The following CABYR variants were observed in gnomAD, a reference collection of about 807,000 sequenced individuals.
CABYR encodes the protein calcium-binding tyrosine phosphorylation-regulated protein.
CABYR carries 31 observed loss-of-function variants against 36.1 expected under a neutral mutation model. That is an observed-to-expected ratio of 0.86 (90% CI 0.64 to 1.16). The LOEUF (loss-of-function observed/expected upper bound fraction) is 1.16, where lower values mean the gene tolerates loss of function less well. CABYR is among the 50% of genes most tolerant of loss of function. The pLI is 0.00. For missense variants in CABYR, 429 were observed against 455.8 expected (o/e 0.94, Z 0.53); for synonymous variants, 146 against 160.7 (o/e 0.91, Z 0.69).
At chr18:24,153,232 T>C (rs936571969) in intron 3 of CABYR, among the ~76,000 whole-genome samples, 3 of 151,844 alleles carry the variant, frequency 2.0e-5, no homozygotes, top group Admixed American at 6.6e-5. Context: ...GCTGGACTTG[T>C]GCACCTGGGC....
Position 24,159,678 on chromosome 18 carries a change from G to A in CABYR, c.748G>A (p.Gly250Ser). The A allele has an allele frequency of 6.2e-7, 1 of 1,613,850 alleles. No homozygotes were observed. Among genetic ancestry groups the A allele is most frequent in the Non-Finnish European group, 8.5e-7 (1 of 1,179,996 alleles). Reference sequence around the variant, plus strand: ...AGTCACTTTTCCAACTTATGTGATGGGCGACACCAAGAAGACCAGTGCCCC... The same window carrying A: ...AGTCACTTTTCCAACTTATGTGATGAGCGACACCAAGAAGACCAGTGCCCC... Reference protein sequence around the residue: ...PKVTFPTYVMGDTKKTSAPPF... With the variant: ...PKVTFPTYVMSDTKKTSAPPF... Residue 250 changes from glycine to serine, a missense_variant, in exon 5 of 6, where the codon GGC becomes AGC. By Grantham distance (56) the Gly-to-Ser change is moderately conservative (BLOSUM62 0). Coordinates refer to ENST00000399496, the MANE Select transcript of CABYR (RefSeq NM_153769.3).
At chr18:24,142,537 T>C (rs1164472455) in intron 1 of CABYR, among the ~76,000 whole-genome samples, 1 of 152,108 alleles carries the variant, frequency 6.6e-6, no homozygotes, top group Non-Finnish European at 1.5e-5. Flanking sequence ...TTTTTGTTCT[T>C]TGTTTTTAAT....
At chr18:24,160,585 A>T (rs1316050217) in intron 5 of CABYR, among the ~76,000 whole-genome samples, 2 of 152,242 alleles carry the variant, frequency 1.3e-5, no homozygotes, top group Admixed American at 1.3e-4. Flanking sequence ...AGACAGTTTG[A>T]TCACTCACAA....
chr18:24,153,730 T>C (rs2085697683), intron 3 of CABYR, among the ~76,000 whole-genome samples: 1 of 152,172 alleles, frequency 6.6e-6, no homozygotes, highest in Non-Finnish European at 1.5e-5. Context: ...GGCTTTTTCC[T>C]GTTGTTATGA....
In CABYR at chr18:24,155,755, A is replaced by G; in HGVS notation, c.254A>G (p.Glu85Gly). 6.2e-7 allele frequency: 1 copy of G among 1,613,232 alleles called. No individual in the cohort carries two copies. The highest frequency in any genetic ancestry group is 8.5e-7 in the Non-Finnish European group (1 of 1,179,808). ...TPQKKLECLK[E>G]PGKTSVESKV... is the part of the protein sequence containing the mutation. ...CAGAAGAAATTAGAATGTTTAAAAG[A>G]ACCAGGAAAAACATCTGTAGAATCT... Residue 85 changes from glutamate to glycine, a missense_variant, in exon 4 of 6, where the codon GAA (glutamate) becomes GGA (glycine). Physicochemically the swap from Glu to Gly is moderately conservative, Grantham distance 98. Transcript: ENST00000399496.
intron 3 of CABYR, among the ~76,000 whole-genome samples, chr18:24,152,391 C>T (rs2085664276): frequency 1.3e-5 from 2 of 152,138 alleles, no homozygotes; most frequent in Admixed American, 1.3e-4. Flanking sequence ...TTGACTTGGT[C>T]ATGCAGCTAT....
At chr18:24,157,287 C>T (rs1567903353) in intron 4 of CABYR, among the ~76,000 whole-genome samples, 1 of 152,076 alleles carries the variant, frequency 6.6e-6, no homozygotes, top group Non-Finnish European at 1.5e-5. Context: ...AGCCTGTTGT[C>T]AGGTACAAAA....
chr18:24,142,146 C>G (rs1330705741), intron 1 of CABYR, among the ~76,000 whole-genome samples: 1 of 151,942 alleles, frequency 6.6e-6, no homozygotes, highest in African/African-American at 2.4e-5. Context: ...ATGGTGAAAC[C>G]CTGTCTCTAC....
rs529943830 is a variant in CABYR, at chr18:24,159,442, C to CT, written c.542-27dup. 3.2e-6 allele frequency: 5 copies of CT among 1,552,242 alleles called. No individual in the cohort carries two copies. The South Asian group carries it at 5.7e-5, about 18-fold the overall frequency. On this transcript the variant is annotated intron_variant, in intron 4 of 5. Coordinates refer to ENST00000399496, the MANE Select transcript of CABYR (RefSeq NM_153769.3). ...ATAGTGCCTGATACAGAGACCAAAACTTTAATTCCTGCAAAATTTTTTTTT... is the reference window on the plus strand; with the variant it reads ...ATAGTGCCTGATACAGAGACCAAAACTTTTAATTCCTGCAAAATTTTTTTTT...
chr18:24,157,370 G>C (rs1414638726), intron 4 of CABYR, among the ~76,000 whole-genome samples: 1 of 152,146 alleles, frequency 6.6e-6, no homozygotes, highest in Non-Finnish European at 1.5e-5. Context: ...TTTTCCTCTT[G>C]TGAATCTAAA....
At chr18:24,139,444 T>C (rs9675752) in intron 1 of CABYR, 142,076 of 152,314 alleles carry the variant, frequency 0.93, 66,578 homozygotes, top group Non-Finnish European at 0.99. Context: ...GGGGCCCACA[T>C]CCCGGAGGTT....
At chr18:24,160,293 T>C (rs2085921468) in intron 5 of CABYR, 1 of 523,600 alleles carries the variant, frequency 1.9e-6, no homozygotes, top group African/African-American at 1.9e-5. Context: ...AAGGATTTGA[T>C]GCCCGATACA....
Position 24,155,879 on chromosome 18 carries a change from T to C in CABYR, c.378T>C (p.Tyr126=), listed in dbSNP as rs1158490918. ...SDKTTQFPSV[Y]AVPGTEQTEA... is the part of the protein sequence containing the mutation. ...AAACCACCCAGTTTCCATCAGTTTA[T>C]GCTGTGCCAGGCACTGAGCAAACGG... The change falls in exon 4 of 6, where the codon TAT becomes TAC. Residue 126 remains tyrosine (Y), a synonymous_variant. Transcript: ENST00000399496. 6.2e-7 allele frequency: 1 copy of C among 1,614,206 alleles called. No individual in the cohort carries two copies.
intron 3 of CABYR, among the ~76,000 whole-genome samples, chr18:24,154,440 TTC>T (rs895944872): frequency 6.6e-6 from 1 of 152,232 alleles, no homozygotes; most frequent in Non-Finnish European, 1.5e-5. Flanking sequence ...AGATGTGGCT[TTC>T]TCTCTTTTTG....
At chr18:24,154,521 A>T (rs961106312) in intron 3 of CABYR, among the ~76,000 whole-genome samples, 2 of 152,254 alleles carry the variant, frequency 1.3e-5, no homozygotes, top group Admixed American at 1.3e-4. Context: ...AATTGAATTT[A>T]TAAAACATCA....
intron 4 of CABYR, among the ~76,000 whole-genome samples, chr18:24,158,594 A>C (rs1236686590): frequency 6.6e-6 from 1 of 152,182 alleles, no homozygotes; most frequent in Non-Finnish European, 1.5e-5. Flanking sequence ...CTGGGATTAC[A>C]GGCGTGAGCC....
chr18:24,155,761 G>GAA lies in CABYR; in HGVS notation c.264_265dup (p.Thr89LysfsTer4). On this transcript the variant is annotated frameshift_variant, in exon 4 of 6. Coordinates refer to ENST00000399496, the MANE Select transcript of CABYR (RefSeq NM_153769.3). LOFTEE classifies it high-confidence loss of function. ...AAATTAGAATGTTTAAAAGAACCAG[G>GAA]AAAAACATCTGTAGAATCTAAAGTA... is the stretch of plus-strand genomic sequence containing the variant. The GAA allele has an allele frequency of 6.2e-7, 1 of 1,613,466 alleles. No individual in the cohort carries two copies. The highest frequency in any genetic ancestry group is 1.7e-4 in the Middle Eastern group (1 of 6,058).
intron 3 of CABYR, among the ~76,000 whole-genome samples, chr18:24,153,960 G>A (rs1032038238): frequency 6.6e-6 from 1 of 151,640 alleles, no homozygotes; most frequent in Non-Finnish European, 1.5e-5. Context: ...AAAATTAGCC[G>A]GGCATGGTGG....
chr18:24,149,996 G>A (rs1008174652), intron 3 of CABYR, among the ~76,000 whole-genome samples: 1 of 152,270 alleles, frequency 6.6e-6, no homozygotes, highest in Admixed American at 6.5e-5. Context: ...CCAGAAAGGG[G>A]CTCCCACAGT....
Sources: gnomAD v4.1 joint callset for allele counts (sites outside exome capture counted in the v4.1 genomes callset) on GRCh38, gnomAD v4.1.1 for gene constraint, MANE v1.5 for transcripts, NCBI Gene and HGNC (gene_info 2026-07-23, HGNC 2026-07-21) for gene names.